Variants in HTRA4 observed in about 807,000 individuals in gnomAD.
HTRA4 encodes the protein HtrA serine peptidase 4.
A neutral mutation model predicts 49.1 loss-of-function variants in HTRA4; 46 were observed. The observed-to-expected ratio is 0.94, with a 90% CI of 0.74 to 1.20. The LOEUF (loss-of-function observed/expected upper bound fraction) is 1.20. Ranked by LOEUF, HTRA4 falls within the 50% of genes most tolerant of loss-of-function variation. The pLI is 0.00. For synonymous variants in HTRA4, 261 were observed against 264.0 expected, an observed-to-expected ratio of 0.99 and a Z score of 0.11; for missense variants, 602 against 636.9, an observed-to-expected ratio of 0.95 and a Z score of 0.59.
chr8:38,977,775 T>C (rs1432389852), intron 3 of HTRA4, among the ~76,000 whole-genome samples, 178 bp from the exon 4 acceptor site: 1 of 152,170 alleles, frequency 6.6e-6, no homozygotes. Flanking sequence ...TAGTTGGACT[T>C]TGAGGAAGAA....
At position 38,982,608 on chromosome 8, in the gene HTRA4, G is replaced by C; in HGVS notation, c.1172+53G>C. ...TTGTTTTTCAGAGGCAAAAACCATA[G>C]CTGCACAGTCTTAACAGAAAAGCTG... On this transcript the variant is annotated intron_variant, in intron 7 of 8. Transcript: ENST00000302495. The C allele has an allele frequency of 4.5e-6, 7 of 1,542,258 alleles. No individual in the cohort carries two copies. The South Asian group carries it at 6.7e-5, about 15-fold the overall frequency.
intron 7 of HTRA4, 97 bp downstream of exon 7, chr8:38,982,652 C>T: frequency 8.7e-7 from 1 of 1,147,456 alleles, no homozygotes; most frequent in Non-Finnish European, 1.3e-6. Context: ...GGACCACAGC[C>T]AGGTACTCTT....
chr8:38,980,147 AAG>A (rs1237242383), intron 5 of HTRA4, among the ~76,000 whole-genome samples: 5 of 152,210 alleles, frequency 3.3e-5, no homozygotes, highest in Non-Finnish European at 7.3e-5. Flanking sequence ...GTGAAAACCT[AAG>A]AGAGTGCAAT....
In HTRA4 at chr8:38,981,638, C is replaced by T. The variant is rs963029215; in HGVS notation, c.1000-15C>T. The T allele has an allele frequency of 1.3e-6, 2 of 1,590,288 alleles. No homozygotes were observed. Among genetic ancestry groups the T allele is most frequent in the Non-Finnish European group, 1.7e-6 (2 of 1,158,992 alleles). ...GCAAAACTTCATGACTGAATGATGT[C>T]CCCTCCCTTGCCAGGATGGTGATGT... is the stretch of plus-strand genomic sequence containing the variant. On this transcript the variant is annotated splice_polypyrimidine_tract_variant and intron_variant, in intron 5 of 8. Transcript: ENST00000302495.
chr8:38,983,411 A>T (rs1835447029), intron 8 of HTRA4, among the ~76,000 whole-genome samples: 1 of 152,022 alleles, frequency 6.6e-6, no homozygotes, highest in Non-Finnish European at 1.5e-5. Flanking sequence ...CTGTAATTGC[A>T]GTTACTTGGG....
At position 38,988,138 on chromosome 8, in the gene HTRA4, A is replaced by C. The variant is rs1564184488; in HGVS notation, c.*40A>C. ...AGTGGGATTATCTAAAAAAAAAAAA[A>C]CCAGTTATATCACGTGGTTTGTATT... is the stretch of plus-strand genomic sequence containing the variant. On this transcript the variant is annotated 3_prime_UTR_variant, in exon 9 of 9. Transcript: ENST00000302495. The C allele has an allele frequency of 2.0e-6, 3 of 1,464,362 alleles. No homozygotes were observed. Among genetic ancestry groups the C allele is most frequent in the Non-Finnish European group, 2.7e-6 (3 of 1,095,726 alleles). 90.7% of individuals were successfully genotyped at this position (1,464,362 alleles called of 1,614,324 possible).
intron 2 of HTRA4, among the ~76,000 whole-genome samples, chr8:38,976,228 A>C (rs1213309669): frequency 6.6e-6 from 1 of 152,190 alleles, no homozygotes; most frequent in Non-Finnish European, 1.5e-5. Flanking sequence ...CCTGGCCAAC[A>C]TGGTGAAACC....
At chr8:38,980,099 T>C (rs1447166592) in intron 5 of HTRA4, among the ~76,000 whole-genome samples, 1 of 152,226 alleles carries the variant, frequency 6.6e-6, no homozygotes, top group Non-Finnish European at 1.5e-5. Context: ...TCCGTGTCTC[T>C]AGTGGAAATG....
At chr8:38,976,426 C>T in intron 2 of HTRA4, 109 bp from the exon 3 acceptor site, 1 of 1,014,514 alleles carries the variant, frequency 9.9e-7, no homozygotes, top group Non-Finnish European at 1.5e-6. Context: ...GAAAAGAAAA[C>T]TATGATGGAG....
At chr8:38,984,015 C>A (rs146573147) in intron 8 of HTRA4, among the ~76,000 whole-genome samples, 242 of 129,778 alleles carry the variant, frequency 1.9e-3, no homozygotes, top group African/African-American at 6.0e-3. Context: ...GTTTTTTTTT[C>A]TTTTGAGATG....
At position 38,974,487 on chromosome 8, in the gene HTRA4, C is replaced by A; in HGVS notation, c.224C>A (p.Ala75Asp). 6.6e-7 allele frequency: 1 copy of A among 1,520,906 alleles called. No homozygotes were observed. Among genetic ancestry groups the A allele is most frequent in the Middle Eastern group, 2.3e-4 (1 of 4,360 alleles). 94.2% of individuals were successfully genotyped at this position (1,520,906 alleles called of 1,614,324 possible). A position where few individuals can be genotyped will look rare whatever the true frequency, so the allele number is the denominator to read the frequency against. The stretch of plus-strand genomic sequence containing the variant: ...CGCTGTTGCCGCGTCTGCCCCGCGG[C>A]CGAGCGTGAAGTCTGCGGCGGGGCG... ...LCRCCRVCPA[A>D]EREVCGGAQG... Residue 75 changes from alanine to aspartate, a missense_variant, in exon 1 of 9, where the codon GCC becomes GAC. Coordinates refer to ENST00000302495, the MANE Select transcript of HTRA4 (RefSeq NM_153692.4).
In HTRA4 at chr8:38,982,555, C is replaced by G. The variant is rs770040324; in HGVS notation, c.1172C>G (p.Pro391Arg). The G allele has an allele frequency of 6.2e-7, 1 of 1,613,956 alleles. No homozygotes were observed. Among genetic ancestry groups the G allele is most frequent in the Non-Finnish European group, 8.5e-7 (1 of 1,179,862 alleles). Residue 391 changes from proline (P) to arginine (R), a missense_variant and splice_region_variant, in exon 7 of 9, where the codon CCC (proline) becomes CGC (arginine). Physicochemically the swap from Pro to Arg is moderately radical, Grantham distance 103. Coordinates refer to ENST00000302495, the MANE Select transcript of HTRA4 (RefSeq NM_153692.4). The part of the protein sequence containing the change: ...LGLQMLSLTV[P>R]LSEELKMHYP... ...CTGCAAATGCTGTCCCTCACTGTGC[C>G]GTAAGCATGTGTTTGAATATGTCTG...
chr8:38,978,249 G>A, intron 4 of HTRA4, 102 bp downstream of exon 4: 5 of 1,023,044 alleles, frequency 4.9e-6, no homozygotes, highest in Non-Finnish European at 7.0e-6. Flanking sequence ...TGAGCCATGG[G>A]CGAGTGAGAA....
chr8:38,987,836 C>A, intron 8 of HTRA4, 100 bp from the exon 9 acceptor site: 2 of 1,025,488 alleles, frequency 2.0e-6, no homozygotes, highest in Non-Finnish European at 2.7e-6. Flanking sequence ...TTAATGCCAG[C>A]AAAATAGTGC....
At chr8:38,981,387 A>C (rs537767712) in intron 5 of HTRA4, among the ~76,000 whole-genome samples, 129 of 152,210 alleles carry the variant, frequency 8.5e-4, no homozygotes, top group African/African-American at 3.1e-3. Context: ...CCATGAGCTC[A>C]AGATTTTAAA....
At chr8:38,983,731 G>T (rs532580122) in intron 8 of HTRA4, among the ~76,000 whole-genome samples, 59 of 151,988 alleles carry the variant, frequency 3.9e-4, no homozygotes, top group African/African-American at 1.4e-3. Flanking sequence ...GTGGCTACAA[G>T]AAAATTTAAA....
At chr8:38,976,346 C>T (rs987573118) in intron 2 of HTRA4, among the ~76,000 whole-genome samples, 189 bp from the exon 3 acceptor site, 8 of 151,458 alleles carry the variant, frequency 5.3e-5, no homozygotes, top group Admixed American at 6.6e-5. Flanking sequence ...TGCAGTGAGC[C>T]GAGATTGCGC....
At position 38,982,230 on chromosome 8, in the gene HTRA4, T is replaced by C. The variant is rs145422067; in HGVS notation, c.1115-268T>C. The stretch of plus-strand genomic sequence containing the variant: ...TATAATGGTGATTTGAGCAGCAATA[T>C]TGGGGGACTAGGCACAAACCAAGCA... On this transcript the variant is annotated intron_variant, in intron 6 of 8. Transcript: ENST00000302495. 2.4e-3 allele frequency among the ~76,000 whole-genome samples: 360 copies of C among 152,180 alleles called. 4 individuals carry two copies. The highest frequency in any genetic ancestry group is 8.4e-3 in the African/African-American group (349 of 41,534).
intron 5 of HTRA4, among the ~76,000 whole-genome samples, chr8:38,981,073 T>TG (rs1564178960): frequency 2.0e-4 from 9 of 45,542 alleles, no homozygotes; most frequent in African/African-American, 5.8e-4. Context: ...GTTTTTTTTT[T>TG]TTTTTTTTTT....
Sources: allele counts gnomAD v4.1 joint callset (sites outside exome capture counted in the v4.1 genomes callset), GRCh38; gene constraint gnomAD v4.1.1; transcripts MANE v1.5; gene names NCBI Gene and HGNC (gene_info 2026-07-23, HGNC 2026-07-21).